RASSF2: variants seen among roughly 807,000 people sequenced by gnomAD.
The protein encoded by RASSF2 is Ras association domain family member 2.
A neutral mutation model predicts 46.3 loss-of-function variants in RASSF2; 34 were observed. That is an observed-to-expected ratio of 0.73 (90% confidence interval 0.56 to 0.98). The LOEUF is 0.98. RASSF2 is among the 50% of genes least tolerant of loss of function. RASSF2 has a pLI of 0.00. For synonymous variants in RASSF2, 158 were observed against 162.5 expected (o/e 0.97, Z 0.21); for missense variants, 364 against 431.2 (o/e 0.84, Z 1.38).
intron 6 of RASSF2, among the ~76,000 whole-genome samples, chr20:4,792,310 TAA>T (rs1366217115): frequency 5.5e-5 from 8 of 144,626 alleles, no homozygotes; most frequent in Non-Finnish European, 1.2e-4. Flanking sequence ...CATCCACCCA[TAA>T]AGACATGTCA....
At chr20:4,798,564 C>T (rs896027754) in intron 3 of RASSF2, among the ~76,000 whole-genome samples, 3 of 152,108 alleles carry the variant, frequency 2.0e-5, no homozygotes, top group African/African-American at 7.2e-5. Context: ...GTGGCTCATG[C>T]CTGTAATCCC....
At chr20:4,807,202 A>T (rs1222564283) in intron 2 of RASSF2, among the ~76,000 whole-genome samples, 4 of 152,202 alleles carry the variant, frequency 2.6e-5, no homozygotes, top group African/African-American at 9.6e-5. Flanking sequence ...AAGGGGGAAG[A>T]CAGGGAAGTG....
In RASSF2 at chr20:4,804,353, C is replaced by CTTTTTTT. The variant is rs10659167; in HGVS notation, c.-32-3298_-32-3292dup. ...AAAGTCGAGCTAGTGAGAAAGCTTT[C>CTTTTTTT]TTTTTTTTTTTTTTTTTTTTGTCAC... On this transcript the variant is annotated intron_variant, in intron 2 of 11. Coordinates refer to ENST00000379400, the MANE Select transcript of RASSF2 (RefSeq NM_014737.3). Among the ~76,000 whole-genome samples the CTTTTTTT allele has an allele frequency of 7.9e-4, 94 of 118,696 alleles. 4 individuals carry two copies. The highest frequency in any genetic ancestry group is 1.9e-3 in the African/African-American group (60 of 31,092). The allele number at this position is 118,696 out of a possible 152,430, so 77.9% of individuals were successfully genotyped here.
chr20:4,799,439 C>T (rs1400573175), intron 3 of RASSF2, among the ~76,000 whole-genome samples: 1 of 152,184 alleles, frequency 6.6e-6, no homozygotes, highest in East Asian at 1.9e-4. Flanking sequence ...TGTCTAGTCT[C>T]AAGTAAGAGG....
In RASSF2 at chr20:4,790,823, C is replaced by T. The variant is rs1197698952; in HGVS notation, c.377-212G>A. 1.3e-5 allele frequency among the ~76,000 whole-genome samples: 2 copies of T among 152,008 alleles called. No individual in the cohort carries two copies. Among genetic ancestry groups the T allele is most frequent in the Non-Finnish European group, 2.9e-5 (2 of 68,018 alleles). On this transcript the variant is annotated intron_variant, in intron 6 of 11. Coordinates refer to ENST00000379400, the MANE Select transcript of RASSF2 (RefSeq NM_014737.3). The surrounding 1 kb of genome is among the most constrained non-coding windows in gnomAD (Gnocchi z 4.3). ...GAGAACAGACTTCAGAGCCGGACTC[C>T]CTGGGTTCAAATCCCTGCTCCATGA...
At chr20:4,819,447 T>C (rs781487457) in intron 2 of RASSF2, among the ~76,000 whole-genome samples, 3 of 152,166 alleles carry the variant, frequency 2.0e-5, no homozygotes, top group Non-Finnish European at 4.4e-5. Context: ...GCTAACACTA[T>C]GAGCAATTGA....
At chr20:4,805,008 G>T (rs73893837) in intron 2 of RASSF2, among the ~76,000 whole-genome samples, 5,663 of 152,110 alleles carry the variant, frequency 0.037, 363 homozygotes, top group African/African-American at 0.12. Flanking sequence ...GAAAGAGCAG[G>T]CAACTCGGAG....
At position 4,788,252 on chromosome 20, in the gene RASSF2, T is replaced by C; in HGVS notation, c.656A>G (p.Glu219Gly). 1 of 1,608,794 alleles carries C rather than the reference T, an allele frequency of 6.2e-7. No individual in the cohort carries two copies. Among genetic ancestry groups the C allele is most frequent in the Non-Finnish European group, 8.5e-7 (1 of 1,175,086 alleles). The change falls in exon 9 of 12, where the codon GAG becomes GGG. Residue 219 changes from glutamate to glycine, a missense_variant. Transcript: ENST00000379400. ...LNKFKIENSA[E>G]EFALYVVHTS... is the part of the protein sequence containing the mutation. ...ATGGACCACGTACAAGGCAAACTCCTCTGCTGAATTCTCAATCTGAAGCAG... is the reference window on the plus strand; with the variant it reads ...ATGGACCACGTACAAGGCAAACTCCCCTGCTGAATTCTCAATCTGAAGCAG...
At chr20:4,801,178 C>A in intron 2 of RASSF2, 116 bp from the exon 3 acceptor site, 2 of 704,144 alleles carry the variant, frequency 2.8e-6, no homozygotes, top group East Asian at 2.7e-5. Flanking sequence ...CGTTCCTCCC[C>A]ACCCAGATCC....
rs1927942006 is a variant in RASSF2, at chr20:4,812,911, C to T, written c.-33+9418G>A. On this transcript the variant is annotated intron_variant, in intron 2 of 11. Transcript: ENST00000379400. The surrounding 1 kb of genome is among the most constrained non-coding windows in gnomAD (Gnocchi z 4.0). ...CAGGCTGGCTCCAGCTACCAGCCCA[C>T]AGCAGGCTGGGAGGTCTGGGGGATG... Among the ~76,000 whole-genome samples, 1 of 152,174 alleles carries T rather than the reference C, an allele frequency of 6.6e-6. No homozygotes were observed. Among genetic ancestry groups the T allele is most frequent in the Non-Finnish European group, 1.5e-5 (1 of 68,026 alleles).
intron 2 of RASSF2, among the ~76,000 whole-genome samples, chr20:4,811,213 G>A (rs1305835074): frequency 1.6e-5 from 1 of 61,468 alleles, no homozygotes; most frequent in Non-Finnish European, 3.7e-5. Flanking sequence ...AATTAGCCAG[G>A]CACAGTTAAT....
At chr20:4,798,218 A>C in intron 3 of RASSF2, 133 bp from the exon 4 acceptor site, 2 of 1,359,494 alleles carry the variant, frequency 1.5e-6, no homozygotes, top group Non-Finnish European at 2.0e-6. Flanking sequence ...ATGTACATAC[A>C]CACACATGCA....
intron 11 of RASSF2, among the ~76,000 whole-genome samples, chr20:4,785,368 C>A (rs1228681100): frequency 2.0e-5 from 3 of 151,940 alleles, no homozygotes; most frequent in Admixed American, 6.6e-5. Context: ...ACAACAACAA[C>A]AAAAACTTTA....
chr20:4,817,886 A>C (rs1446795251), intron 2 of RASSF2, among the ~76,000 whole-genome samples: 2 of 152,194 alleles, frequency 1.3e-5, no homozygotes, highest in East Asian at 3.8e-4. Context: ...GAAAGAGATC[A>C]AGGGTTAGAA....
chr20:4,787,843 G>A (rs550132572), intron 9 of RASSF2, 89 bp from the exon 10 acceptor site: 1 of 1,146,036 alleles, frequency 8.7e-7, no homozygotes, highest in African/African-American at 1.7e-5. Context: ...CACCTTAGGA[G>A]ATGCCGCCAT....
In RASSF2 at chr20:4,784,359, G is replaced by A. The variant is rs116147990; in HGVS notation, c.912-17C>T. On this transcript the variant is annotated splice_polypyrimidine_tract_variant and intron_variant, in intron 11 of 11. Coordinates refer to ENST00000379400, the MANE Select transcript of RASSF2 (RefSeq NM_014737.3). Reference sequence around the variant, plus strand: ...ACGGTGTACCTGGAGACAAGAAACAGGCTCAGATGGAGAGCAGCCAGCAAC... The same window carrying A: ...ACGGTGTACCTGGAGACAAGAAACAAGCTCAGATGGAGAGCAGCCAGCAAC... 8.3e-4 allele frequency: 1,330 copies of A among 1,611,590 alleles called. 7 individuals carry two copies. The African/African-American group carries it at 0.016, about 19-fold the overall frequency.
At chr20:4,791,873 T>C (rs975169152) in intron 6 of RASSF2, among the ~76,000 whole-genome samples, 4 of 152,180 alleles carry the variant, frequency 2.6e-5, no homozygotes, top group African/African-American at 9.7e-5. Flanking sequence ...TACAAATGTA[T>C]ATGGAAACAT....
rs1925764489 is a variant in RASSF2 at position 4,790,381 on chromosome 20, G to T, written c.537+70C>A. On this transcript the variant is annotated intron_variant, in intron 7 of 11. Coordinates refer to ENST00000379400, the MANE Select transcript of RASSF2 (RefSeq NM_014737.3). The surrounding 1 kb of genome is among the most constrained non-coding windows in gnomAD (Gnocchi z 4.3). ...AGGCATCCACACCACCCACCATATG[G>T]CTGTAGCCCTGAGGTGGCATCTACC... 2.0e-5 allele frequency: 27 copies of T among 1,378,636 alleles called. No individual in the cohort carries two copies. Among genetic ancestry groups the T allele is most frequent in the Non-Finnish European group, 2.2e-5 (23 of 1,057,030 alleles). The allele number at this position is 1,378,636 out of a possible 1,614,324, so 85.4% of individuals were successfully genotyped here. A position where few individuals can be genotyped will look rare whatever the true frequency, so the allele number is the denominator to read the frequency against.
intron 3 of RASSF2, among the ~76,000 whole-genome samples, chr20:4,798,367 A>G (rs555320180): frequency 6.6e-6 from 1 of 152,322 alleles, no homozygotes; most frequent in East Asian, 1.9e-4. Flanking sequence ...TCTACCGACA[A>G]TACTCCCAAA....
Sources: allele counts gnomAD v4.1 joint callset (sites outside exome capture counted in the v4.1 genomes callset), GRCh38; gene constraint gnomAD v4.1.1; non-coding constraint Gnocchi (gnomAD v3.1); transcripts MANE v1.5; gene names NCBI Gene and HGNC (gene_info 2026-07-23, HGNC 2026-07-21).